The following HIRA variants were observed in gnomAD, a reference collection of about 807,000 sequenced individuals.
HIRA encodes the protein protein HIRA.
Under a neutral mutation model 126.6 loss-of-function variants are expected in HIRA, and 13 were observed. The ratio of observed to expected loss-of-function variants is 0.10; its 90% CI spans 0.07 to 0.16. HIRA has a LOEUF of 0.16. Ranked by LOEUF, HIRA falls within the 10% of genes least tolerant of loss-of-function variation. The probability of loss-of-function intolerance (pLI) is 1.00; values close to 1 mark genes in which losing one functional copy is unlikely to be tolerated. For missense variants in HIRA, 834 were observed against 1,314.4 expected, an observed-to-expected ratio of 0.63 and a Z score of 5.65; for synonymous variants, 511 against 520.0, an observed-to-expected ratio of 0.98 and a Z score of 0.24.
chr22:19,356,152 C>CTGAGCGGGGCCCTTCTGCA, intron 20 of HIRA, 78 bp downstream of exon 20: 1 of 1,371,604 alleles, frequency 7.3e-7, no homozygotes. Context: ...GCCTGGCTCT[C>CTGAGCGGGGCCCTTCTGCA]TGAGCGGGGC....
intron 21 of HIRA, among the ~76,000 whole-genome samples, chr22:19,354,385 C>G (rs548512870): frequency 2.0e-5 from 3 of 152,346 alleles, no homozygotes; most frequent in Admixed American, 2.0e-4. Flanking sequence ...AACACTTCAG[C>G]TCCATATGTT....
chr22:19,415,126 T>G (rs2089385771), intron 1 of HIRA, among the ~76,000 whole-genome samples: 1 of 152,040 alleles, frequency 6.6e-6, no homozygotes, highest in Admixed American at 6.6e-5. Flanking sequence ...GTGCTGGAAT[T>G]ACAGGCTTGA....
At chr22:19,427,085 G>A (rs1042978825) in intron 1 of HIRA, among the ~76,000 whole-genome samples, 3 of 152,168 alleles carry the variant, frequency 2.0e-5, no homozygotes, top group Non-Finnish European at 4.4e-5. Context: ...TATTCAGAGC[G>A]GGGTTTCTCA....
At chr22:19,364,924 T>C (rs2088898441) in intron 15 of HIRA, among the ~76,000 whole-genome samples, 1 of 152,168 alleles carries the variant, frequency 6.6e-6, no homozygotes, top group Non-Finnish European at 1.5e-5. Context: ...TTAAAGGAAG[T>C]TAAAAGTGCT....
chr22:19,359,480 C>T lies in HIRA; in HGVS notation c.2090G>A (p.Ser697Asn), dbSNP rs1329462070. ...CTCAATGTACATGGAAGGATCGGAG[C>T]TGACCTGGATGAAGTAAACACACGG... is the stretch of plus-strand genomic sequence containing the variant. ...SPQRAFTLQVSSDPSMYIEVE... is the reference protein window; with the variant it reads ...SPQRAFTLQVNSDPSMYIEVE... The change falls in exon 18 of 25, where the codon AGC (serine) becomes AAC (asparagine). Residue 697 changes from serine (S) to asparagine (N), a missense_variant. Coordinates refer to ENST00000263208, the MANE Select transcript of HIRA (RefSeq NM_003325.4). 6 of 1,603,236 alleles carry T rather than the reference C, an allele frequency of 3.7e-6. No homozygotes were observed. The highest frequency in any genetic ancestry group is 5.1e-6 in the Non-Finnish European group (6 of 1,175,042).
intron 24 of HIRA, among the ~76,000 whole-genome samples, chr22:19,347,925 C>T (rs984101339): frequency 2.6e-5 from 4 of 152,100 alleles, no homozygotes; most frequent in African/African-American, 9.7e-5. Context: ...GGTGACAGAG[C>T]GAGACTCCGT....
intron 12 of HIRA, 89 bp downstream of exon 12, chr22:19,385,432 A>C: frequency 7.7e-7 from 1 of 1,305,674 alleles, no homozygotes; most frequent in Non-Finnish European, 1.1e-6. Flanking sequence ...CTCTAAACAA[A>C]CCCCTTCCTT....
At chr22:19,348,569 C>T (rs868990154) in intron 24 of HIRA, among the ~76,000 whole-genome samples, 9 of 151,906 alleles carry the variant, frequency 5.9e-5, no homozygotes, top group Non-Finnish European at 1.2e-4. Context: ...GATCTCGGCT[C>T]ACTGCAACCT....
chr22:19,333,585 T>TA (rs1429607158), intron 24 of HIRA, among the ~76,000 whole-genome samples: 3 of 152,214 alleles, frequency 2.0e-5, no homozygotes, highest in Non-Finnish European at 2.9e-5. Context: ...TTTTCCTACT[T>TA]AGAGTTCACT....
intron 1 of HIRA, among the ~76,000 whole-genome samples, chr22:19,422,910 C>T (rs1023456770): frequency 1.1e-4 from 16 of 152,080 alleles, no homozygotes; most frequent in African/African-American, 1.4e-4. Flanking sequence ...GCTGTGGACA[C>T]GGGAGTAAAG....
At chr22:19,396,716 T>C in intron 7 of HIRA, 71 bp downstream of exon 7, 1 of 1,532,938 alleles carries the variant, frequency 6.5e-7, no homozygotes, top group South Asian at 1.2e-5. Context: ...CAGCTCCCTC[T>C]CTGTACACAG....
chr22:19,345,421 G>A (rs539789352), intron 24 of HIRA, among the ~76,000 whole-genome samples: 2 of 152,298 alleles, frequency 1.3e-5, no homozygotes, highest in African/African-American at 2.4e-5. Context: ...TTCAGGATGC[G>A]ATGTATAGCT....
chr22:19,374,584 T>C (rs192299461), intron 15 of HIRA, among the ~76,000 whole-genome samples: 132 of 152,302 alleles, frequency 8.7e-4, no homozygotes, highest in African/African-American at 2.9e-3. Context: ...GGAACTGTTT[T>C]CCAAGGAGAA....
Position 19,392,306 on chromosome 22 carries a change from A to G in HIRA, c.823-92T>C, listed in dbSNP as rs1342094723. The G allele has an allele frequency of 1.3e-5, 9 of 694,792 alleles. No individual in the cohort carries two copies. In the African/African-American group the frequency reaches 1.4e-4, roughly 11 times the overall value. 43.0% of individuals were successfully genotyped at this position (694,792 alleles called of 1,614,324 possible). On this transcript the variant is annotated intron_variant, in intron 8 of 24. Transcript: ENST00000263208. The stretch of plus-strand genomic sequence containing the variant: ...CCCAGCCCACTGAAGGGAGTCTCCC[A>G]CAGACATTCTCTGAGCCCAGGCACT...
chr22:19,348,826 C>T (rs1298627861), intron 24 of HIRA, among the ~76,000 whole-genome samples: 6 of 151,652 alleles, frequency 4.0e-5, no homozygotes, highest in African/African-American at 1.2e-4. Flanking sequence ...GATGGAGTTT[C>T]GCTCTTGTCG....
At chr22:19,354,591 TGAA>T (rs1374262961) in intron 21 of HIRA, among the ~76,000 whole-genome samples, 16 of 152,244 alleles carry the variant, frequency 1.1e-4, no homozygotes, top group African/African-American at 3.4e-4. Flanking sequence ...CTCATCCTTG[TGAA>T]GAAGACTCTT....
intron 1 of HIRA, among the ~76,000 whole-genome samples, chr22:19,427,600 G>C (rs1038883299): frequency 6.6e-6 from 1 of 152,230 alleles, no homozygotes; most frequent in African/African-American, 2.4e-5. Context: ...AAATTACCCT[G>C]TTCTTGAAAA....
intron 1 of HIRA, among the ~76,000 whole-genome samples, chr22:19,427,490 CAGCT>C (rs915693487): frequency 1.3e-5 from 2 of 152,190 alleles, no homozygotes; most frequent in African/African-American, 4.8e-5. Flanking sequence ...CTCAGTAGGA[CAGCT>C]TCAAATCCTT....
intron 24 of HIRA, among the ~76,000 whole-genome samples, chr22:19,337,812 GAC>G: frequency 6.6e-6 from 1 of 151,520 alleles, no homozygotes; most frequent in Non-Finnish European, 1.5e-5. Flanking sequence ...TTTTTTTTGA[GAC>G]AGAGTCTTGC....
Sources: allele counts gnomAD v4.1 joint callset (sites outside exome capture counted in the v4.1 genomes callset), GRCh38; gene constraint gnomAD v4.1.1; transcripts MANE v1.5; gene names NCBI Gene and HGNC (gene_info 2026-07-23, HGNC 2026-07-21).